Variants in AKR1C8 observed in about 807,000 individuals in gnomAD.
AKR1C8 encodes aldo-keto reductase family 1 member C8.
the AKR1C8 span, among the ~76,000 whole-genome samples, chr10:5,171,904 A>G: frequency 2.6e-5 from 4 of 152,146 alleles, no homozygotes; most frequent in African/African-American, 9.6e-5. Context: ...TACCAAAAGT[A>G]TATTTTACTT....
the AKR1C8 span, chr10:5,123,467 C>A: frequency 4.3e-6 from 2 of 460,778 alleles, no homozygotes; most frequent in Non-Finnish European, 8.0e-6. Flanking sequence ...AATGCTGAAG[C>A]CCTGAGGCTG....
At chr10:5,119,064 T>G in the AKR1C8 span, among the ~76,000 whole-genome samples, 2 of 152,298 alleles carry the variant, frequency 1.3e-5, no homozygotes, top group South Asian at 4.2e-4. Flanking sequence ...AATTACACAC[T>G]CCTTACATGG....
At chr10:5,149,165 G>C in the AKR1C8 span, among the ~76,000 whole-genome samples, 1 of 152,060 alleles carries the variant, frequency 6.6e-6, no homozygotes, top group East Asian at 1.9e-4. Flanking sequence ...AATAATTTAG[G>C]ATTCAGACCA....
chr10:5,133,761 T>C, the AKR1C8 span, among the ~76,000 whole-genome samples: 10 of 152,282 alleles, frequency 6.6e-5, no homozygotes, highest in Non-Finnish European at 1.2e-4. Flanking sequence ...GGCCTCCAAC[T>C]TTGAAAACAG....
chr10:5,132,375 G>A, the AKR1C8 span, among the ~76,000 whole-genome samples: 59,353 of 151,792 alleles, frequency 0.39, 12,368 homozygotes, highest in Non-Finnish European at 0.43. Flanking sequence ...TCTGAGCTGT[G>A]GCTCAAAAAA....
the AKR1C8 span, among the ~76,000 whole-genome samples, chr10:5,166,375 T>C: frequency 6.6e-6 from 1 of 152,210 alleles, no homozygotes; most frequent in Admixed American, 6.5e-5. Context: ...TCATGCTACC[T>C]GACTTCAAAC....
chr10:5,120,908 C>T, the AKR1C8 span, among the ~76,000 whole-genome samples: 1 of 151,906 alleles, frequency 6.6e-6, no homozygotes, highest in Non-Finnish European at 1.5e-5. Context: ...TATTACATTG[C>T]TAAGCAGCAA....
At chr10:5,180,784 C>G in the AKR1C8 span, among the ~76,000 whole-genome samples, 1 of 152,240 alleles carries the variant, frequency 6.6e-6, no homozygotes, top group Non-Finnish European at 1.5e-5. Flanking sequence ...ATAGGACCCT[C>G]CGAGCCATGT....
chr10:5,180,883 G>A, the AKR1C8 span, among the ~76,000 whole-genome samples: 15 of 152,298 alleles, frequency 9.8e-5, no homozygotes, highest in East Asian at 7.7e-4. Flanking sequence ...TCCAGGTGCC[G>A]TCTGTCACCC....
the AKR1C8 span, among the ~76,000 whole-genome samples, chr10:5,171,827 A>G: frequency 6.6e-6 from 1 of 152,112 alleles, no homozygotes; most frequent in Non-Finnish European, 1.5e-5. Context: ...TTAAGCTTTT[A>G]AAACAATTCT....
the AKR1C8 span, among the ~76,000 whole-genome samples, chr10:5,131,259 A>C: frequency 6.6e-6 from 1 of 152,066 alleles, no homozygotes; most frequent in Non-Finnish European, 1.5e-5. Context: ...TCTTCCTTAC[A>C]TTGGCCTCGA....
chr10:5,142,864 G>A, the AKR1C8 span, among the ~76,000 whole-genome samples: 10 of 152,012 alleles, frequency 6.6e-5, no homozygotes, highest in South Asian at 2.1e-4. Context: ...TTGGAAAAAT[G>A]GTACTAACAG....
chr10:5,179,852 T>G, the AKR1C8 span, among the ~76,000 whole-genome samples: 4 of 152,174 alleles, frequency 2.6e-5, no homozygotes, highest in East Asian at 1.9e-4. Flanking sequence ...TCTCTGTATT[T>G]GTTATTCTAG....
chr10:5,126,133 C>T, the AKR1C8 span, among the ~76,000 whole-genome samples: 4 of 152,156 alleles, frequency 2.6e-5, no homozygotes, highest in African/African-American at 4.8e-5. Flanking sequence ...GGCCTTGGTG[C>T]TCATGAAGGG....
At chr10:5,179,599 A>C in the AKR1C8 span, among the ~76,000 whole-genome samples, 1 of 148,858 alleles carries the variant, frequency 6.7e-6, no homozygotes, top group Admixed American at 6.7e-5. Context: ...CATTCTCCCC[A>C]TCACTTTCAG....
chr10:5,164,865 C>A, the AKR1C8 span, among the ~76,000 whole-genome samples: 11 of 152,284 alleles, frequency 7.2e-5, no homozygotes, highest in South Asian at 2.3e-3. Flanking sequence ...GGCTTTGGCA[C>A]CAGAACTTCT....
At chr10:5,166,130 C>T in the AKR1C8 span, among the ~76,000 whole-genome samples, 43 of 152,168 alleles carry the variant, frequency 2.8e-4, no homozygotes, top group African/African-American at 9.9e-4. Flanking sequence ...CCATCTTCAG[C>T]CTGCACTCTT....
the AKR1C8 span, among the ~76,000 whole-genome samples, chr10:5,179,579 A>C: frequency 1.3e-5 from 2 of 150,776 alleles, no homozygotes; most frequent in African/African-American, 2.4e-5. Context: ...AGGGTTTTCC[A>C]ACTTGGTTCC....
the AKR1C8 span, among the ~76,000 whole-genome samples, chr10:5,130,819 G>A: frequency 6.6e-6 from 1 of 151,754 alleles, no homozygotes; most frequent in Non-Finnish European, 1.5e-5. Flanking sequence ...CTTACAGATA[G>A]AATCAATACT....
Sources: gnomAD v4.1 joint callset for allele counts (sites outside exome capture counted in the v4.1 genomes callset) on GRCh38, gnomAD v4.1.1 for gene constraint, MANE v1.5 for transcripts, NCBI Gene and HGNC (gene_info 2026-07-23, HGNC 2026-07-21) for gene names.